MAP4K4: variants seen among roughly 807,000 people sequenced by gnomAD.
MAP4K4 encodes the protein HPK/GCK-like kinase HGK.
MAP4K4 carries 38 observed loss-of-function variants against 189.6 expected under a neutral mutation model. The observed-to-expected ratio is 0.20, with a 90% CI of 0.15 to 0.26. The LOEUF (loss-of-function observed/expected upper bound fraction) is 0.26, where lower values mean the gene tolerates loss of function less well. Among genes scored for constraint, MAP4K4 ranks in the 10% least tolerant of loss-of-function variants. The pLI, the probability that MAP4K4 is intolerant of heterozygous loss-of-function variation, is 1.00. For missense variants in MAP4K4, 1,054 were observed against 1,726.9 expected, an observed-to-expected ratio of 0.61 and a Z score of 6.91; for synonymous variants, 610 against 624.3, an observed-to-expected ratio of 0.98 and a Z score of 0.34.
chr2:101,872,809 GTT>G (rs2098085983), intron 24 of MAP4K4, among the ~76,000 whole-genome samples: 1 of 152,102 alleles, frequency 6.6e-6, no homozygotes, highest in African/African-American at 2.4e-5. Flanking sequence ...GATCAGACAT[GTT>G]CCTTTTTTCT....
At chr2:101,731,025 G>A (rs552663769) in intron 2 of MAP4K4, among the ~76,000 whole-genome samples, 36 of 151,076 alleles carry the variant, frequency 2.4e-4, no homozygotes, top group African/African-American at 8.0e-4. Context: ...TAGCCTGGGC[G>A]ACAGAGGGAG....
At chr2:101,724,805 T>A (rs964580774) in intron 2 of MAP4K4, among the ~76,000 whole-genome samples, 1 of 152,246 alleles carries the variant, frequency 6.6e-6, no homozygotes, top group African/African-American at 2.4e-5. Context: ...GGCAAGTGAC[T>A]GCATAGCCAG....
chr2:101,761,874 A>G (rs2076609262), intron 2 of MAP4K4, among the ~76,000 whole-genome samples: 2 of 152,094 alleles, frequency 1.3e-5, no homozygotes, highest in African/African-American at 4.8e-5. Flanking sequence ...GGAGCATTTT[A>G]ATCCCTATCC....
At chr2:101,698,043 A>G (rs183144410) in exon 1 of MAP4K4, 1 of 1,300,034 alleles carries the variant, frequency 7.7e-7, no homozygotes, top group African/African-American at 1.6e-5. Flanking sequence ...CGACAGAGAC[A>G]TTTATTGTTA....
At chr2:101,787,400 G>A (rs2091679460) in intron 2 of MAP4K4, among the ~76,000 whole-genome samples, 2 of 152,158 alleles carry the variant, frequency 1.3e-5, no homozygotes, top group African/African-American at 4.8e-5. Context: ...ATAGTTACGT[G>A]CATTTTCATT....
In MAP4K4 at chr2:101,720,185, G is replaced by GT. The variant is rs35562520; in HGVS notation, c.123+21662dup. 5.6e-4 allele frequency among the ~76,000 whole-genome samples: 77 copies of GT among 136,410 alleles called. No homozygotes were observed. In the South Asian group the frequency reaches 6.1e-3, roughly 11 times the overall value. 89.5% of individuals were successfully genotyped at this position (136,410 alleles called of 152,430 possible). The stretch of plus-strand genomic sequence containing the variant: ...GGCAGTGGTGGGTAAGGTCAGTGGT[G>GT]TTTTTTTTTTTTTTTGAGACCCCTG... On this transcript the variant is annotated intron_variant, in intron 2 of 32. Coordinates refer to ENST00000324219, the Ensembl canonical transcript of MAP4K4.
intron 2 of MAP4K4, among the ~76,000 whole-genome samples, chr2:101,762,902 G>C (rs2077093664): frequency 6.6e-6 from 1 of 152,208 alleles, no homozygotes; most frequent in Admixed American, 6.5e-5. Flanking sequence ...TTTTGGGCTG[G>C]TGGGGGCTGG....
exon 17 of MAP4K4, chr2:101,863,822 T>C: frequency 7.3e-7 from 1 of 1,366,818 alleles, no homozygotes; most frequent in Middle Eastern, 2.1e-4. Flanking sequence ...TCTTGTAAGG[T>C]ACAGTGGTCC....
chr2:101,733,179 G>A (rs192314028), intron 2 of MAP4K4, among the ~76,000 whole-genome samples: 2 of 152,328 alleles, frequency 1.3e-5, no homozygotes, highest in East Asian at 1.9e-4. Flanking sequence ...CTGAAGTAGA[G>A]CATGAAAGCA....
At chr2:101,844,400 A>G in intron 12 of MAP4K4, 89 bp downstream of exon 12, 3 of 1,050,224 alleles carry the variant, frequency 2.9e-6, no homozygotes, top group Non-Finnish European at 4.2e-6. Flanking sequence ...TATCCTCTGT[A>G]GCTTCCTGGG....
At chr2:101,844,884 C>T (rs997144135) in intron 12 of MAP4K4, among the ~76,000 whole-genome samples, 1 of 151,906 alleles carries the variant, frequency 6.6e-6, no homozygotes. Context: ...ACACGTTTAC[C>T]TATGTAACAA....
intron 2 of MAP4K4, among the ~76,000 whole-genome samples, chr2:101,750,893 G>A (rs2068556042): frequency 6.6e-6 from 1 of 151,914 alleles, no homozygotes; most frequent in African/African-American, 2.4e-5. Context: ...AGAGGAATGG[G>A]GGGTCATCAA....
chr2:101,858,676 T>C (rs1281218101), intron 13 of MAP4K4, among the ~76,000 whole-genome samples: 1 of 152,152 alleles, frequency 6.6e-6, no homozygotes, highest in Non-Finnish European at 1.5e-5. Flanking sequence ...TTCTCTGGGG[T>C]TTACCAACCT....
chr2:101,756,566 C>T lies in MAP4K4; in HGVS notation c.124-34154C>T, dbSNP rs531004515. On this transcript the variant is annotated intron_variant, in intron 2 of 32. Coordinates refer to ENST00000324219, the Ensembl canonical transcript of MAP4K4. ...AGGTATGTCTTTTCTGTTGTTGTTT[C>T]TTATTTTTGAGACAGCTTCACTTTG... Among the ~76,000 whole-genome samples the T allele has an allele frequency of 1.6e-4, 25 of 152,000 alleles. No homozygotes were observed. The East Asian group carries it at 2.3e-3, about 14-fold the overall frequency.
chr2:101,792,881 G>A (rs1036767424), intron 3 of MAP4K4, among the ~76,000 whole-genome samples: 2 of 152,078 alleles, frequency 1.3e-5, no homozygotes, highest in Non-Finnish European at 2.9e-5. Context: ...CAATTCACCC[G>A]CCTCAGCCTC....
At chr2:101,747,859 A>T (rs1477085981) in intron 2 of MAP4K4, among the ~76,000 whole-genome samples, 2 of 152,250 alleles carry the variant, frequency 1.3e-5, no homozygotes, top group Non-Finnish European at 2.9e-5. Flanking sequence ...GAATGGAAAT[A>T]CTAAGGAGGT....
intron 2 of MAP4K4, among the ~76,000 whole-genome samples, chr2:101,729,188 T>G (rs1020308194): frequency 6.6e-6 from 1 of 151,894 alleles, no homozygotes; most frequent in African/African-American, 2.4e-5. Flanking sequence ...CCTGGAAATC[T>G]GCTCGATGTT....
chr2:101,811,288 T>C (rs1034145813), intron 3 of MAP4K4, among the ~76,000 whole-genome samples: 12 of 141,462 alleles, frequency 8.5e-5, no homozygotes, highest in Admixed American at 2.3e-4. Context: ...GGAGAATCAC[T>C]TGAGCCCAGG....
At chr2:101,761,105 C>T (rs1367865760) in intron 2 of MAP4K4, among the ~76,000 whole-genome samples, 1 of 152,190 alleles carries the variant, frequency 6.6e-6, no homozygotes, top group Non-Finnish European at 1.5e-5. Flanking sequence ...TGGAATTATA[C>T]TTCTTCCTAG....
Sources: gnomAD v4.1 joint callset for allele counts (sites outside exome capture counted in the v4.1 genomes callset) on GRCh38, gnomAD v4.1.1 for gene constraint, MANE v1.5 for transcripts, NCBI Gene and HGNC (gene_info 2026-07-23, HGNC 2026-07-21) for gene names.